EEF2K: variants seen among roughly 807,000 people sequenced by gnomAD.
EEF2K encodes alternative protein EEF2K.
Under a neutral mutation model 93.8 loss-of-function variants are expected in EEF2K, and 70 were observed. The ratio of observed to expected loss-of-function variants is 0.75; its 90% confidence interval spans 0.62 to 0.91. The LOEUF (loss-of-function observed/expected upper bound fraction) is 0.91. Among genes scored for constraint, EEF2K ranks in the 40% least tolerant of loss-of-function variants. EEF2K has a pLI of 0.00. For missense variants in EEF2K, 935 were observed against 972.9 expected (o/e 0.96, Z 0.52); for synonymous variants, 376 against 380.8 (o/e 0.99, Z 0.15).
intron 2 of EEF2K, among the ~76,000 whole-genome samples, chr16:22,232,392 A>G (rs1488420386): frequency 6.6e-6 from 1 of 151,888 alleles, no homozygotes; most frequent in Non-Finnish European, 1.5e-5. Context: ...ACACTTGGCC[A>G]ACTTCTTAAT....
Position 22,258,562 on chromosome 16 carries a change from T to C in EEF2K, c.1098T>C (p.Ser366=). ...GGAGCCCCCAAGTAAGGACCCTCTC[T>C]GGGAGCCGGCCACCCCTGCTCCGTC... ...KCGSPQVRTL[S]GSRPPLLRPL... The change falls in exon 10 of 18, where the codon TCT becomes TCC. Residue 366 remains serine (S), a synonymous_variant. Coordinates refer to ENST00000263026, the MANE Select transcript of EEF2K (RefSeq NM_013302.5). The C allele has an allele frequency of 1.2e-6, 2 of 1,614,098 alleles. No individual in the cohort carries two copies. Among genetic ancestry groups the C allele is most frequent in the Non-Finnish European group, 8.5e-7 (1 of 1,180,020 alleles).
In EEF2K at chr16:22,285,415, T is replaced by G. The variant is rs1040433615; in HGVS notation, c.*1419T>G. On this transcript the variant is annotated 3_prime_UTR_variant, in exon 18 of 18. Coordinates refer to ENST00000263026, the MANE Select transcript of EEF2K (RefSeq NM_013302.5). ...GAGGGCAAGAACTATAAACACTCATTAATTCTAGTAGTCTCCCCATGGCCA... is the reference window on the plus strand; with the variant it reads ...GAGGGCAAGAACTATAAACACTCATGAATTCTAGTAGTCTCCCCATGGCCA... 6.6e-6 allele frequency: 1 copy of G among 152,204 alleles called. No individual in the cohort carries two copies. The highest frequency in any genetic ancestry group is 1.5e-5 in the Non-Finnish European group (1 of 68,038). 9.4% of individuals were successfully genotyped at this position (152,204 alleles called of 1,614,324 possible).
At position 22,256,720 on chromosome 16, in the gene EEF2K, C is replaced by T. The variant is rs202192956; in HGVS notation, c.619-28C>T. On this transcript the variant is annotated intron_variant, in intron 6 of 17. Transcript: ENST00000263026. Reference sequence around the variant, plus strand: ...CAGAGGAGGTGCGCCTGGGCCCTCCCGCCTGAGCCCACTCCCCATCCCACC... The same window carrying T: ...CAGAGGAGGTGCGCCTGGGCCCTCCTGCCTGAGCCCACTCCCCATCCCACC... The T allele has an allele frequency of 1.3e-5, 21 of 1,608,848 alleles. No individual in the cohort carries two copies. The East Asian group carries it at 1.3e-4, about 10-fold the overall frequency.
At chr16:22,245,966 CTATGA>C (rs934494037) in intron 3 of EEF2K, among the ~76,000 whole-genome samples, 4 of 152,008 alleles carry the variant, frequency 2.6e-5, no homozygotes, top group African/African-American at 9.7e-5. Context: ...GTTGGGTATC[CTATGA>C]TTCAATTCAA....
rs774786608 is a variant in EEF2K, at chr16:22,215,389, T to C, written c.-77+8710T>C. 1.2e-3 allele frequency among the ~76,000 whole-genome samples: 180 copies of C among 152,206 alleles called. 1 individual carries two copies. Among genetic ancestry groups the C allele is most frequent in the Middle Eastern group, 6.8e-3 (2 of 294 alleles). On this transcript the variant is annotated intron_variant, in intron 1 of 17. Transcript: ENST00000263026. ...GGGCAAGGAGGTGAGGAGAGTTTGGTGGTGCATGGAGATTGATTCTTGGAC... is the reference window on the plus strand; with the variant it reads ...GGGCAAGGAGGTGAGGAGAGTTTGGCGGTGCATGGAGATTGATTCTTGGAC...
rs2047725221 is a variant in EEF2K at position 22,283,896 on chromosome 16, A to G, written c.2078A>G (p.Tyr693Cys). 1 of 1,594,186 alleles carries G rather than the reference A, an allele frequency of 6.3e-7. No homozygotes were observed. The highest frequency in any genetic ancestry group is 8.5e-7 in the Non-Finnish European group (1 of 1,170,446). Reference protein sequence around the residue: ...EKDPQRSGDLYTQAAEAAMEA... With the variant: ...EKDPQRSGDLCTQAAEAAMEA... ...CTTTGCTGTCTTTCAGGGGACTTGT[A>G]TACCCAGGCAGCAGAGGCAGCGATG... The change falls in exon 18 of 18, where the codon TAT becomes TGT. Residue 693 changes from tyrosine (Y) to cysteine (C), a missense_variant. Coordinates refer to ENST00000263026, the MANE Select transcript of EEF2K (RefSeq NM_013302.5).
intron 2 of EEF2K, among the ~76,000 whole-genome samples, chr16:22,243,297 G>A: frequency 6.8e-6 from 1 of 147,832 alleles, no homozygotes; most frequent in Non-Finnish European, 1.5e-5. Context: ...TGTCACTCAG[G>A]CTGGAGTGCA....
At chr16:22,211,429 T>C (rs184813482) in intron 1 of EEF2K, among the ~76,000 whole-genome samples, 8 of 152,198 alleles carry the variant, frequency 5.3e-5, no homozygotes, top group Non-Finnish European at 1.0e-4. Flanking sequence ...CACAGTAGGT[T>C]GTTTTGTTTG....
intron 15 of EEF2K, among the ~76,000 whole-genome samples, chr16:22,267,105 T>G (rs1427459401): frequency 6.6e-6 from 1 of 152,176 alleles, no homozygotes; most frequent in Non-Finnish European, 1.5e-5. Context: ...TAAGTCACGT[T>G]TCCAGGTAAT....
Position 22,284,201 on chromosome 16 carries a change from G to A in EEF2K, c.*205G>A, listed in dbSNP as rs2047729560. 1.8e-6 allele frequency: 1 copy of A among 550,012 alleles called. No homozygotes were observed. The highest frequency in any genetic ancestry group is 3.0e-5 in the East Asian group (1 of 33,178). The allele number at this position is 550,012 out of a possible 1,614,324, so 34.1% of individuals were successfully genotyped here. A position where few individuals can be genotyped will look rare whatever the true frequency, so the allele number is the denominator to read the frequency against. ...GCAGAGACTCTATAGCTGTCTCTTA[G>A]GGCAGTATTTTGGGGAAGTGGGGCT... On this transcript the variant is annotated 3_prime_UTR_variant, in exon 18 of 18. Transcript: ENST00000263026.
chr16:22,259,033 A>C (rs1047214148), intron 10 of EEF2K, among the ~76,000 whole-genome samples: 1 of 152,242 alleles, frequency 6.6e-6, no homozygotes, highest in African/African-American at 2.4e-5. Context: ...AAAAAAATCT[A>C]AATAGATATT....
At chr16:22,265,087 G>T in intron 13 of EEF2K, 2 of 562,172 alleles carry the variant, frequency 3.6e-6, no homozygotes, top group Non-Finnish European at 3.2e-6. Flanking sequence ...GAGGATTAGA[G>T]AAGAGCAGCT....
intron 16 of EEF2K, among the ~76,000 whole-genome samples, chr16:22,275,190 G>A (rs1488363530): frequency 1.3e-5 from 2 of 152,106 alleles, no homozygotes; most frequent in Non-Finnish European, 2.9e-5. Flanking sequence ...TTGCATCTGT[G>A]CTTTCTCTTC....
At chr16:22,224,108 G>A (rs2047040427) in intron 1 of EEF2K, among the ~76,000 whole-genome samples, 1 of 152,074 alleles carries the variant, frequency 6.6e-6, no homozygotes, top group African/African-American at 2.4e-5. Flanking sequence ...TCAGGAGACT[G>A]AGGCAGGAGA....
At chr16:22,281,565 ATGT>A (rs1303599074) in intron 17 of EEF2K, among the ~76,000 whole-genome samples, 1 of 152,158 alleles carries the variant, frequency 6.6e-6, no homozygotes, top group Admixed American at 6.5e-5. Context: ...TATAGTCATA[ATGT>A]TGTACAATCA....
chr16:22,280,624 G>A (rs537939279), intron 17 of EEF2K, among the ~76,000 whole-genome samples: 1 of 150,042 alleles, frequency 6.7e-6, no homozygotes, highest in Non-Finnish European at 1.5e-5. Flanking sequence ...CCATCTTAAA[G>A]TATATAGTTT....
At chr16:22,229,712 A>AG (rs900461915) in intron 2 of EEF2K, among the ~76,000 whole-genome samples, 1 of 152,092 alleles carries the variant, frequency 6.6e-6, no homozygotes, top group Non-Finnish European at 1.5e-5. Context: ...AAAAAAGAAG[A>AG]GGGGGAAAGG....
chr16:22,221,088 C>T (rs1481059747), intron 1 of EEF2K, among the ~76,000 whole-genome samples: 1 of 152,164 alleles, frequency 6.6e-6, no homozygotes, highest in South Asian at 2.1e-4. Context: ...CTCAGTAGTT[C>T]ACGTTGGTTT....
intron 2 of EEF2K, among the ~76,000 whole-genome samples, chr16:22,236,012 A>G (rs1320165409): frequency 6.6e-6 from 1 of 151,672 alleles, no homozygotes; most frequent in African/African-American, 2.4e-5. Flanking sequence ...TATGCTGCCC[A>G]GGCTGCTCTG....
Sources: allele counts gnomAD v4.1 joint callset (sites outside exome capture counted in the v4.1 genomes callset), GRCh38; gene constraint gnomAD v4.1.1; transcripts MANE v1.5; gene names NCBI Gene and HGNC (gene_info 2026-07-23, HGNC 2026-07-21).